The following TRDN variants were observed in gnomAD, a reference collection of about 807,000 sequenced individuals.
TRDN encodes the protein triadin in skeletal muscle.
TRDN carries 161 observed loss-of-function variants against 149.7 expected under a neutral mutation model. That is an observed-to-expected ratio of 1.08 (90% confidence interval 0.95 to 1.23). The LOEUF (loss-of-function observed/expected upper bound fraction) is 1.23. Ranked by LOEUF, TRDN falls within the 50% of genes most tolerant of loss-of-function variation. TRDN has a pLI of 0.00. For synonymous variants in TRDN, 294 were observed against 250.5 expected, an observed-to-expected ratio of 1.17 and a Z score of -1.64; for missense variants, 896 against 823.5, an observed-to-expected ratio of 1.09 and a Z score of -1.08.
chr6:123,381,486 C>G (rs1781718873), intron 15 of TRDN, 96 bp from the exon 16 acceptor site: 1 of 1,186,358 alleles, frequency 8.4e-7, no homozygotes, highest in Admixed American at 2.2e-5. Flanking sequence ...TCCCACCCCT[C>G]CTTCCAATTT....
chr6:123,394,507 T>C (rs1438948723), intron 12 of TRDN, among the ~76,000 whole-genome samples: 2 of 152,136 alleles, frequency 1.3e-5, no homozygotes, highest in Admixed American at 1.3e-4. Context: ...ATATTCACTT[T>C]CATTCATTCA....
intron 10 of TRDN, chr6:123,457,654 A>G (rs1008682454): frequency 7.2e-6 from 3 of 415,586 alleles, no homozygotes; most frequent in African/African-American, 2.1e-5. Flanking sequence ...CTACTTTTCC[A>G]TGACACTAAG....
At chr6:123,247,898 G>T (rs1776241698) in intron 38 of TRDN, among the ~76,000 whole-genome samples, 1 of 152,088 alleles carries the variant, frequency 6.6e-6, no homozygotes, top group Non-Finnish European at 1.5e-5. Flanking sequence ...TACCAAAACA[G>T]ATATATAGAC....
At chr6:123,223,519 T>A (rs1775230363) in intron 39 of TRDN, among the ~76,000 whole-genome samples, 1 of 151,532 alleles carries the variant, frequency 6.6e-6, no homozygotes, top group South Asian at 2.1e-4. Context: ...AGAAAAAAAA[T>A]CAAGTTAGCT....
rs745751151 is a variant in TRDN at position 123,438,095 on chromosome 6, T to C, written c.1019A>G (p.Glu340Gly). 20 of 1,592,588 alleles carry C rather than the reference T, an allele frequency of 1.3e-5. No homozygotes were observed. The highest frequency in any genetic ancestry group is 1.7e-5 in the Non-Finnish European group (20 of 1,172,530). ...KEKEDIKKKS[E>G]KETAIDVEKK... Reference sequence around the variant, plus strand: ...TTCCACATCAATGGCAGTTTCCTTCTCACTTTTCTTTTTGATATCTTCTTT... The same window carrying C: ...TTCCACATCAATGGCAGTTTCCTTCCCACTTTTCTTTTTGATATCTTCTTT... Residue 340 changes from glutamate (E) to glycine (G), a missense_variant, in exon 12 of 41, where the codon GAG (glutamate) becomes GGG (glycine). Glu to Gly is a moderately conservative substitution (Grantham distance 98, BLOSUM62 -2). Transcript: ENST00000334268.
At chr6:123,546,724 A>G (rs778359813) in intron 4 of TRDN, among the ~76,000 whole-genome samples, 13 of 151,880 alleles carry the variant, frequency 8.6e-5, no homozygotes, top group Non-Finnish European at 1.9e-4. Context: ...TCCTAGGTTT[A>G]TCGTTCTTAT....
intron 13 of TRDN, among the ~76,000 whole-genome samples, chr6:123,393,420 T>A (rs149534961): frequency 1.2e-3 from 179 of 152,246 alleles, no homozygotes; most frequent in African/African-American, 3.8e-3. Flanking sequence ...CAGCAGTTCC[T>A]CTGCAAATTT....
chr6:123,334,927 A>G (rs1779806539), intron 22 of TRDN, among the ~76,000 whole-genome samples: 1 of 152,016 alleles, frequency 6.6e-6, no homozygotes, highest in Non-Finnish European at 1.5e-5. Flanking sequence ...TATGAGTAAC[A>G]GGCAAATGTA....
intron 7 of TRDN, among the ~76,000 whole-genome samples, chr6:123,511,361 A>G (rs573126195): frequency 6.6e-6 from 1 of 152,246 alleles, no homozygotes; most frequent in Non-Finnish European, 1.5e-5. Context: ...AAGAAATAAT[A>G]AATGTTTGAG....
In TRDN at chr6:123,217,041, G is replaced by A. The variant is rs927486169; in HGVS notation, c.*1560C>T. The A allele has an allele frequency of 6.6e-6, 1 of 151,928 alleles. No homozygotes were observed. The highest frequency in any genetic ancestry group is 2.4e-5 in the African/African-American group (1 of 41,384). 9.4% of individuals were successfully genotyped at this position (151,928 alleles called of 1,614,324 possible). On this transcript the variant is annotated 3_prime_UTR_variant, in exon 41 of 41. Transcript: ENST00000334268. ...TGAAGGGGCTTTGCAAGATGGTATT[G>A]TCTGGTCATTCCTGAAATTATACAC...
intron 1 of TRDN, among the ~76,000 whole-genome samples, chr6:123,606,331 A>G (rs1220369928): frequency 6.6e-6 from 1 of 152,064 alleles, no homozygotes; most frequent in Non-Finnish European, 1.5e-5. Context: ...ACATCTGACC[A>G]AATATAGACT....
At chr6:123,306,842 A>C (rs1178506311) in intron 24 of TRDN, among the ~76,000 whole-genome samples, 1 of 151,868 alleles carries the variant, frequency 6.6e-6, no homozygotes, top group Non-Finnish European at 1.5e-5. Flanking sequence ...TTATATCTTT[A>C]TTTTTACTTC....
intron 8 of TRDN, chr6:123,501,877 A>C: frequency 1.0e-6 from 1 of 960,372 alleles, no homozygotes; most frequent in Non-Finnish European, 1.2e-6. Context: ...GATAGAAATG[A>C]AATACAATAT....
intron 21 of TRDN, chr6:123,351,736 A>G (rs1268915620): frequency 1.1e-6 from 1 of 923,462 alleles, no homozygotes; most frequent in Non-Finnish European, 1.3e-6. Flanking sequence ...AATTTGAAGG[A>G]GAAATCATTT....
chr6:123,381,948 G>C (rs1781734999), intron 15 of TRDN, among the ~76,000 whole-genome samples, 170 bp downstream of exon 15: 1 of 142,688 alleles, frequency 7.0e-6, no homozygotes, highest in African/African-American at 2.6e-5. Context: ...TGTCAGAATA[G>C]ATTTGGCGCT....
At chr6:123,608,964 G>A (rs1784656466) in intron 1 of TRDN, among the ~76,000 whole-genome samples, 1 of 152,030 alleles carries the variant, frequency 6.6e-6, no homozygotes, top group Admixed American at 6.6e-5. Context: ...CTTGAGGTCA[G>A]GAGGTCATGA....
chr6:123,604,258 T>A (rs1784416019), intron 1 of TRDN, among the ~76,000 whole-genome samples: 1 of 152,088 alleles, frequency 6.6e-6, no homozygotes, highest in South Asian at 2.1e-4. Flanking sequence ...GAACATACTG[T>A]GAGGAGGACA....
chr6:123,220,017 A>G (rs953247509), intron 40 of TRDN, among the ~76,000 whole-genome samples: 5 of 152,046 alleles, frequency 3.3e-5, no homozygotes, highest in African/African-American at 9.6e-5. Flanking sequence ...TGCAAATATT[A>G]GAGCTTAAAT....
At chr6:123,390,764 C>G (rs1258221990) in intron 13 of TRDN, among the ~76,000 whole-genome samples, 1 of 152,064 alleles carries the variant, frequency 6.6e-6, no homozygotes, top group Admixed American at 6.6e-5. Flanking sequence ...TTGGATGACT[C>G]CTGAATTTAC....
Sources: gnomAD v4.1 joint callset for allele counts (sites outside exome capture counted in the v4.1 genomes callset) on GRCh38, gnomAD v4.1.1 for gene constraint, MANE v1.5 for transcripts, NCBI Gene and HGNC (gene_info 2026-07-23, HGNC 2026-07-21) for gene names.